PCDH15: variants seen among roughly 807,000 people sequenced by gnomAD.
PCDH15 encodes the protein protocadherin-15.
Under a neutral mutation model 178.5 loss-of-function variants are expected in PCDH15, and 129 were observed. The ratio of observed to expected loss-of-function variants is 0.72; its 90% CI spans 0.63 to 0.84. The LOEUF is 0.84. PCDH15 is among the 40% of genes least tolerant of loss of function. The pLI, the probability that PCDH15 is intolerant of heterozygous loss-of-function variation, is 0.00. For synonymous variants in PCDH15, 800 were observed against 732.0 expected, an observed-to-expected ratio of 1.09 and a Z score of -1.50; for missense variants, 2,230 against 2,099.9, an observed-to-expected ratio of 1.06 and a Z score of -1.21.
At chr10:54,720,202 C>A (rs942130292) in intron 1 of PCDH15, among the ~76,000 whole-genome samples, 9 of 151,742 alleles carry the variant, frequency 5.9e-5, no homozygotes, top group African/African-American at 9.7e-5. Flanking sequence ...GGGTATATAC[C>A]CAAAGGAATA....
intron 9 of PCDH15, among the ~76,000 whole-genome samples, chr10:54,226,896 C>A (rs570087285): frequency 6.6e-6 from 1 of 152,306 alleles, no homozygotes; most frequent in African/African-American, 2.4e-5. Context: ...CTGAAATGAT[C>A]TCCTTTGACT....
intron 20 of PCDH15, among the ~76,000 whole-genome samples, chr10:54,002,540 T>C (rs1034630869): frequency 6.6e-6 from 1 of 152,108 alleles, no homozygotes; most frequent in African/African-American, 2.4e-5. Flanking sequence ...ACAACATAAA[T>C]TTTGGAAATT....
chr10:55,097,045 T>C (rs1392153420), intron 2 of PCDH15, among the ~76,000 whole-genome samples: 1 of 152,096 alleles, frequency 6.6e-6, no homozygotes, highest in Non-Finnish European at 1.5e-5. Flanking sequence ...GGTGATCTGA[T>C]ACAAGGAATA....
rs1374445767 is a variant in PCDH15, at chr10:53,912,380, G to C, written c.3374-9010C>G. Among the ~76,000 whole-genome samples the C allele has an allele frequency of 3.9e-5, 6 of 152,114 alleles. No individual in the cohort carries two copies. The East Asian group carries it at 1.2e-3, about 29-fold the overall frequency. Reference sequence around the variant, plus strand: ...CTGGAAGCATTCCCTTTGAAAACTGGCACAAGATAGGGATGCCCTCTCTTA... The same window carrying C: ...CTGGAAGCATTCCCTTTGAAAACTGCCACAAGATAGGGATGCCCTCTCTTA... On this transcript the variant is annotated intron_variant, in intron 25 of 37. Coordinates refer to ENST00000644397, the MANE Select transcript of PCDH15 (RefSeq NM_001384140.1).
At chr10:55,497,957 A>G (rs1195354422) in intron 2 of PCDH15, among the ~76,000 whole-genome samples, 1 of 151,900 alleles carries the variant, frequency 6.6e-6, no homozygotes, top group Non-Finnish European at 1.5e-5. Flanking sequence ...TGTGATTTAA[A>G]TTCTTTTACC....
At chr10:55,334,242 A>ATATATGTG (rs1291195941) in intron 2 of PCDH15, among the ~76,000 whole-genome samples, 88 of 72,140 alleles carry the variant, frequency 1.2e-3, no homozygotes, top group East Asian at 3.3e-3. Context: ...ATATATATAT[A>ATATATGTG]TGTGTGTGTG....
chr10:55,477,983 A>G (rs1253142562), intron 2 of PCDH15, among the ~76,000 whole-genome samples: 1 of 151,896 alleles, frequency 6.6e-6, no homozygotes, highest in Admixed American at 6.6e-5. Context: ...AAATTGACAG[A>G]TGGAAAAAAT....
At chr10:54,207,604 G>A (rs1185082572) in intron 10 of PCDH15, among the ~76,000 whole-genome samples, 1 of 151,996 alleles carries the variant, frequency 6.6e-6, no homozygotes, top group African/African-American at 2.4e-5. Context: ...TTCTCATGAT[G>A]TGTTGTTGGA....
chr10:54,019,043 A>G (rs1014514749), intron 20 of PCDH15, among the ~76,000 whole-genome samples: 2 of 152,086 alleles, frequency 1.3e-5, no homozygotes, highest in Non-Finnish European at 2.9e-5. Context: ...CATTTATCTT[A>G]TAGATCTTCT....
At chr10:54,795,982 C>A (rs1951912735) in intron 1 of PCDH15, among the ~76,000 whole-genome samples, 1 of 151,598 alleles carries the variant, frequency 6.6e-6, no homozygotes, top group South Asian at 2.1e-4. Flanking sequence ...CTTTTATCAC[C>A]CTTTACAGAG....
At chr10:53,962,033 A>C in intron 21 of PCDH15, 141 bp from the exon 22 acceptor site, 1 of 691,956 alleles carries the variant, frequency 1.4e-6, no homozygotes, top group Non-Finnish European at 2.4e-6. Flanking sequence ...TCAGAGCTGA[A>C]ATGTAGCCAG....
chr10:54,208,081 A>T (rs965931170), intron 10 of PCDH15, among the ~76,000 whole-genome samples: 5 of 151,902 alleles, frequency 3.3e-5, no homozygotes, highest in African/African-American at 7.2e-5. Flanking sequence ...TGCTAAGTTT[A>T]AAAAAAAGGA....
rs554865638 is a variant in PCDH15, at chr10:54,976,489, T to C, written c.-79-78989A>G. Among the ~76,000 whole-genome samples, 119 of 152,136 alleles carry C rather than the reference T, an allele frequency of 7.8e-4. 1 individual carries two copies. Among genetic ancestry groups the C allele is most frequent in the Non-Finnish European group, 1.5e-3 (105 of 67,990 alleles). ...CTAGGGAAAGGGTGCTGCTGATTGGTTGGGGATGGAATACTAAGGGTGTGG... is the reference window on the plus strand; with the variant it reads ...CTAGGGAAAGGGTGCTGCTGATTGGCTGGGGATGGAATACTAAGGGTGTGG... On this transcript the variant is annotated intron_variant, in intron 2 of 5. Transcript: ENST00000458638.
chr10:54,233,296 C>A (rs958862551), intron 9 of PCDH15, among the ~76,000 whole-genome samples: 1 of 152,102 alleles, frequency 6.6e-6, no homozygotes, highest in South Asian at 2.1e-4. Flanking sequence ...GTCTTTGTGA[C>A]AAATATTACA....
chr10:55,004,823 T>G (rs1402170824), intron 2 of PCDH15, among the ~76,000 whole-genome samples: 1 of 152,164 alleles, frequency 6.6e-6, no homozygotes, highest in African/African-American at 2.4e-5. Flanking sequence ...ATAACATCAG[T>G]TATAATTTCT....
At chr10:55,509,128 C>G (rs1044618305) in intron 2 of PCDH15, among the ~76,000 whole-genome samples, 3 of 151,624 alleles carry the variant, frequency 2.0e-5, no homozygotes, top group African/African-American at 7.3e-5. Context: ...ATAAGTCCAA[C>G]CAATCTGTCG....
At chr10:55,618,696 A>G (rs929407388) in intron 2 of PCDH15, among the ~76,000 whole-genome samples, 5 of 152,052 alleles carry the variant, frequency 3.3e-5, no homozygotes, top group Admixed American at 6.6e-5. Flanking sequence ...ACTGAAGCAC[A>G]GAAGCTTCAA....
intron 3 of PCDH15, among the ~76,000 whole-genome samples, chr10:54,526,901 T>A (rs2083413776): frequency 6.6e-6 from 1 of 152,126 alleles, no homozygotes; most frequent in Admixed American, 6.6e-5. Context: ...AAAGTACATG[T>A]ACGCGTGTAG....
At chr10:54,474,750 T>A (rs2136765649) in intron 3 of PCDH15, among the ~76,000 whole-genome samples, 1 of 152,120 alleles carries the variant, frequency 6.6e-6, no homozygotes, top group Admixed American at 6.6e-5. Flanking sequence ...GTCACATGAC[T>A]GAAATCCTGG....
Sources: allele counts gnomAD v4.1 joint callset (sites outside exome capture counted in the v4.1 genomes callset), GRCh38; gene constraint gnomAD v4.1.1; transcripts MANE v1.5; gene names NCBI Gene and HGNC (gene_info 2026-07-23, HGNC 2026-07-21).